FAM3C: variants seen among roughly 807,000 people sequenced by gnomAD.
FAM3C encodes protein FAM3C.
A neutral mutation model predicts 32.5 loss-of-function variants in FAM3C; 15 were observed. The observed-to-expected ratio is 0.46, with a 90% confidence interval of 0.31 to 0.71. The LOEUF (loss-of-function observed/expected upper bound fraction) is 0.71, where lower values mean the gene tolerates loss of function less well. FAM3C is among the 30% of genes least tolerant of loss of function. The probability of loss-of-function intolerance (pLI) is 0.05; values close to 1 mark genes in which losing one functional copy is unlikely to be tolerated. For synonymous variants in FAM3C, 75 were observed against 86.1 expected (o/e 0.87, Z 0.72); for missense variants, 175 against 274.4 (o/e 0.64, Z 2.56).
At chr7:121,362,408 A>G (rs547858778) in intron 7 of FAM3C, among the ~76,000 whole-genome samples, 28 of 152,326 alleles carry the variant, frequency 1.8e-4, no homozygotes, top group African/African-American at 6.7e-4. Context: ...GATGAATAAT[A>G]GGACTGCTGT....
Position 121,366,426 on chromosome 7 carries a change from A to G in FAM3C, c.273-2238T>C, listed in dbSNP as rs554398803. Among the ~76,000 whole-genome samples the G allele has an allele frequency of 2.0e-5, 3 of 152,316 alleles. No individual in the cohort carries two copies. The East Asian group carries it at 5.8e-4, about 29-fold the overall frequency. On this transcript the variant is annotated intron_variant, in intron 5 of 9. Transcript: ENST00000359943. ...CCTGAAAACATTATGGTAAGAAGCC[A>G]ATCACAAAAGACCAAATATTATATA...
chr7:121,353,611 G>T (rs145770205), intron 8 of FAM3C, among the ~76,000 whole-genome samples: 34 of 152,280 alleles, frequency 2.2e-4, no homozygotes, highest in Non-Finnish European at 4.1e-4. Flanking sequence ...TGCAATTTAT[G>T]CTGAACACTT....
chr7:121,368,526 T>C (rs757718542), intron 5 of FAM3C, among the ~76,000 whole-genome samples: 3 of 152,200 alleles, frequency 2.0e-5, no homozygotes, highest in Non-Finnish European at 4.4e-5. Flanking sequence ...TAACTGGCAA[T>C]GGCCTTCCAA....
chr7:121,374,176 GAT>G (rs1476471086), intron 3 of FAM3C, among the ~76,000 whole-genome samples: 2 of 152,110 alleles, frequency 1.3e-5, no homozygotes, highest in Non-Finnish European at 2.9e-5. Context: ...TCCTGATTGT[GAT>G]AGTGTATTAT....
intron 5 of FAM3C, chr7:121,364,423 T>A (rs1255646026): frequency 2.3e-6 from 1 of 430,658 alleles, no homozygotes; most frequent in African/African-American, 2.0e-5. Flanking sequence ...TTAAAAAATA[T>A]TAGGCCTGAA....
At chr7:121,385,379 C>T (rs553685860) in intron 1 of FAM3C, among the ~76,000 whole-genome samples, 11 of 152,230 alleles carry the variant, frequency 7.2e-5, no homozygotes, top group Admixed American at 3.9e-4. Flanking sequence ...AATCCAGTTG[C>T]TAATATGTAA....
intron 1 of FAM3C, among the ~76,000 whole-genome samples, chr7:121,388,738 T>C (rs1794516250): frequency 1.3e-5 from 2 of 152,112 alleles, no homozygotes; most frequent in African/African-American, 4.8e-5. Context: ...TGAAATTACA[T>C]TTAAAAGAGA....
At chr7:121,352,327 A>T (rs976473265) in intron 8 of FAM3C, among the ~76,000 whole-genome samples, 62 of 145,142 alleles carry the variant, frequency 4.3e-4, no homozygotes, top group Non-Finnish European at 8.3e-4. Flanking sequence ...TGGTTTTTTT[A>T]AAAAAGCTTC....
intron 2 of FAM3C, among the ~76,000 whole-genome samples, chr7:121,382,045 C>T (rs904205106): frequency 2.0e-5 from 3 of 152,038 alleles, no homozygotes; most frequent in African/African-American, 7.2e-5. Flanking sequence ...GACTAATTAT[C>T]TTGATTTTGA....
intron 7 of FAM3C, among the ~76,000 whole-genome samples, chr7:121,362,540 T>C (rs1793946646): frequency 1.3e-5 from 2 of 152,252 alleles, no homozygotes; most frequent in African/African-American, 4.8e-5. Context: ...ATGCTTACAT[T>C]GGTTATTCTG....
intron 4 of FAM3C, 149 bp downstream of exon 4, chr7:121,371,961 C>T (rs1447188901): frequency 8.8e-6 from 5 of 565,694 alleles, no homozygotes; most frequent in Non-Finnish European, 1.3e-5. Context: ...AATATTTGGG[C>T]TGTCCAATCA....
At chr7:121,354,832 A>C (rs1200339598) in intron 8 of FAM3C, among the ~76,000 whole-genome samples, 1 of 152,174 alleles carries the variant, frequency 6.6e-6, no homozygotes, top group Non-Finnish European at 1.5e-5. Flanking sequence ...CAAACAGAAA[A>C]ACTCTATAAT....
intron 8 of FAM3C, 181 bp from the exon 9 acceptor site, chr7:121,351,450 C>A: frequency 4.0e-6 from 2 of 498,542 alleles, no homozygotes; most frequent in South Asian, 5.0e-5. Flanking sequence ...TGACAAAAGA[C>A]ATGAACTCCA....
At chr7:121,383,175 G>A (rs1794392965) in intron 1 of FAM3C, among the ~76,000 whole-genome samples, 165 bp from the exon 2 acceptor site, 1 of 151,714 alleles carries the variant, frequency 6.6e-6, no homozygotes, top group Non-Finnish European at 1.5e-5. Context: ...TCTTCCACTG[G>A]ACCATAAGAC....
chr7:121,390,091 C>T (rs936848819), intron 1 of FAM3C, among the ~76,000 whole-genome samples: 4 of 152,172 alleles, frequency 2.6e-5, no homozygotes, highest in Admixed American at 6.6e-5. Context: ...ATCTGAAGAA[C>T]TGTTGCTTTG....
intron 8 of FAM3C, among the ~76,000 whole-genome samples, chr7:121,356,469 G>A (rs541672086): frequency 6.6e-6 from 1 of 152,290 alleles, no homozygotes; most frequent in South Asian, 2.1e-4. Context: ...CTGTTTTGTT[G>A]TTCCATCTAT....
chr7:121,365,731 T>C (rs924647074), intron 5 of FAM3C, among the ~76,000 whole-genome samples: 1 of 152,068 alleles, frequency 6.6e-6, no homozygotes, highest in Non-Finnish European at 1.5e-5. Context: ...CAAAGTGAAT[T>C]AAAACAGGAA....
intron 5 of FAM3C, 41 bp downstream of exon 5, chr7:121,371,259 T>A: frequency 1.2e-6 from 2 of 1,603,196 alleles, no homozygotes; most frequent in Non-Finnish European, 1.7e-6. Flanking sequence ...TGGCTGCAAT[T>A]TAATAGCACA....
At chr7:121,356,127 G>T (rs2116874340) in intron 8 of FAM3C, among the ~76,000 whole-genome samples, 1 of 151,762 alleles carries the variant, frequency 6.6e-6, no homozygotes, top group East Asian at 1.9e-4. Context: ...TAATGTGACT[G>T]TTTAAAGAAA....
Sources: gnomAD v4.1 joint callset for allele counts (sites outside exome capture counted in the v4.1 genomes callset) on GRCh38, gnomAD v4.1.1 for gene constraint, MANE v1.5 for transcripts, NCBI Gene and HGNC (gene_info 2026-07-23, HGNC 2026-07-21) for gene names.